Variants in TRPC7 observed in about 807,000 individuals in gnomAD.
TRPC7 encodes short transient receptor potential channel 7.
TRPC7 carries 42 observed loss-of-function variants against 90.1 expected under a neutral mutation model. The observed-to-expected ratio is 0.47, with a 90% confidence interval of 0.36 to 0.60. The LOEUF (loss-of-function observed/expected upper bound fraction) is 0.60, where lower values mean the gene tolerates loss of function less well. Among genes scored for constraint, TRPC7 ranks in the 20% least tolerant of loss-of-function variants. TRPC7 has a pLI of 0.00. For synonymous variants in TRPC7, 451 were observed against 436.3 expected (o/e 1.03, Z -0.42); for missense variants, 955 against 1,112.3 (o/e 0.86, Z 2.01).
At chr5:136,291,774 G>GCT (rs1225068571) in intron 3 of TRPC7, among the ~76,000 whole-genome samples, 9 of 152,116 alleles carry the variant, frequency 5.9e-5, no homozygotes, top group African/African-American at 2.2e-4. Context: ...ATTGAACTCA[G>GCT]CTCTGCACCA....
At chr5:136,277,149 G>A (rs991023042) in intron 3 of TRPC7, among the ~76,000 whole-genome samples, 7 of 152,214 alleles carry the variant, frequency 4.6e-5, no homozygotes, top group Non-Finnish European at 8.8e-5. Context: ...GGTCAGCACC[G>A]CAGATTGGGC....
At chr5:136,248,581 C>T (rs1009666862) in intron 6 of TRPC7, among the ~76,000 whole-genome samples, 1 of 152,186 alleles carries the variant, frequency 6.6e-6, no homozygotes, top group Non-Finnish European at 1.5e-5. Context: ...GATATTGCTC[C>T]TTGATTAAGC....
chr5:136,231,302 G>A, intron 8 of TRPC7, 52 bp downstream of exon 8: 5 of 1,477,948 alleles, frequency 3.4e-6, no homozygotes, highest in Non-Finnish European at 3.7e-6. Context: ...GCTGAAAAAA[G>A]CAATGTAAAT....
intron 2 of TRPC7, among the ~76,000 whole-genome samples, chr5:136,345,317 A>C (rs575245019): frequency 1.1e-4 from 17 of 152,310 alleles, no homozygotes; most frequent in African/African-American, 3.6e-4. Context: ...GCACTTTGGG[A>C]GGCCGAGGCG....
At chr5:136,337,718 T>A (rs1404015528) in intron 2 of TRPC7, among the ~76,000 whole-genome samples, 1 of 151,402 alleles carries the variant, frequency 6.6e-6, no homozygotes, top group Admixed American at 6.6e-5. Flanking sequence ...ATTTCCAATG[T>A]GCTATGAGAA....
intron 3 of TRPC7, among the ~76,000 whole-genome samples, chr5:136,289,253 C>A (rs1347285287): frequency 2.0e-5 from 3 of 152,194 alleles, no homozygotes; most frequent in Non-Finnish European, 2.9e-5. Flanking sequence ...CGGGTGACTT[C>A]TGCATTTCCA....
chr5:136,277,460 T>C (rs1226144163), intron 3 of TRPC7, among the ~76,000 whole-genome samples: 1 of 152,248 alleles, frequency 6.6e-6, no homozygotes, highest in Non-Finnish European at 1.5e-5. Flanking sequence ...CTTTCTGCAC[T>C]TGTGGCAGCC....
At chr5:136,293,342 G>A (rs1005885711) in intron 3 of TRPC7, among the ~76,000 whole-genome samples, 4 of 152,190 alleles carry the variant, frequency 2.6e-5, no homozygotes, top group Admixed American at 6.5e-5. Flanking sequence ...AAAAGAGGAA[G>A]TCAAATTGTC....
rs187662132 is a variant in TRPC7, at chr5:136,230,869, C to T, written c.2040+485G>A. On this transcript the variant is annotated intron_variant, in intron 8 of 11. Transcript: ENST00000513104. ...CCCCACAACCTGGTTGCACTGGCCC[C>T]AGGGCATTGGAATTTGTTGATTGCC... Among the ~76,000 whole-genome samples, 5 of 152,310 alleles carry T rather than the reference C, an allele frequency of 3.3e-5. No individual in the cohort carries two copies. In the East Asian group the frequency reaches 9.6e-4, roughly 29 times the overall value.
intron 4 of TRPC7, among the ~76,000 whole-genome samples, chr5:136,268,602 C>T (rs571441305): frequency 6.6e-6 from 1 of 152,300 alleles, no homozygotes; most frequent in African/African-American, 2.4e-5. Flanking sequence ...TGAGTTTCCC[C>T]AGAAGACCTG....
chr5:136,338,684 A>G (rs920509854), intron 2 of TRPC7, among the ~76,000 whole-genome samples: 1 of 152,240 alleles, frequency 6.6e-6, no homozygotes, highest in Non-Finnish European at 1.5e-5. Flanking sequence ...AGTGAGATTT[A>G]TGGCTTGTTG....
In TRPC7 at chr5:136,213,168, C is replaced by T. The variant is rs1755147903; in HGVS notation, c.*267G>A. Among the ~76,000 whole-genome samples, 1 of 152,192 alleles carries T rather than the reference C, an allele frequency of 6.6e-6. No homozygotes were observed. The highest frequency in any genetic ancestry group is 6.5e-5 in the Admixed American group (1 of 15,280). ...AGGGATGGGTTTCACTGTGGCTGGA[C>T]CAAAGGTCTCACACTCGTCAGGGGG... On this transcript the variant is annotated 3_prime_UTR_variant, in exon 12 of 12. Coordinates refer to ENST00000513104, the MANE Select transcript of TRPC7 (RefSeq NM_020389.3).
In TRPC7 at chr5:136,359,443, T is replaced by G. The variant is rs149553356; in HGVS notation, c.3-2058A>C. On this transcript the variant is annotated intron_variant, in intron 1 of 11. Coordinates refer to ENST00000513104, the MANE Select transcript of TRPC7 (RefSeq NM_020389.3). ...AAGAGCGTCTGAACCACCATCCACT[T>G]TTTTAAAGTGCACTTTGATAAAAGA... is the stretch of plus-strand genomic sequence containing the variant. Among the ~76,000 whole-genome samples, 3 of 152,306 alleles carry G rather than the reference T, an allele frequency of 2.0e-5. No individual in the cohort carries two copies. The East Asian group carries it at 5.8e-4, about 29-fold the overall frequency.
chr5:136,243,061 T>C (rs561845655), intron 7 of TRPC7, among the ~76,000 whole-genome samples: 143 of 152,250 alleles, frequency 9.4e-4, no homozygotes, highest in African/African-American at 3.3e-3. Flanking sequence ...GGGCAGGCCT[T>C]GGTTGAGGGT....
chr5:136,230,863 T>A (rs1159549884), intron 8 of TRPC7, among the ~76,000 whole-genome samples: 1 of 152,196 alleles, frequency 6.6e-6, no homozygotes, highest in Non-Finnish European at 1.5e-5. Flanking sequence ...CTGGTTGCAC[T>A]GGCCCCAGGG....
intron 3 of TRPC7, among the ~76,000 whole-genome samples, chr5:136,279,481 T>C (rs1022781641): frequency 1.3e-5 from 2 of 152,122 alleles, no homozygotes; most frequent in East Asian, 1.9e-4. Flanking sequence ...TTTCCCCCAG[T>C]CACCAGAAGT....
At chr5:136,244,871 A>C (rs1756286052) in intron 7 of TRPC7, among the ~76,000 whole-genome samples, 1 of 152,196 alleles carries the variant, frequency 6.6e-6, no homozygotes, top group Non-Finnish European at 1.5e-5. Flanking sequence ...ACAGTGTGTA[A>C]GCTAGACCAC....
chr5:136,275,855 A>G (rs1012219163), intron 3 of TRPC7, among the ~76,000 whole-genome samples: 1 of 152,232 alleles, frequency 6.6e-6, no homozygotes, highest in African/African-American at 2.4e-5. Context: ...GCTATCTTCC[A>G]CTTTATGGAC....
At position 136,357,208 on chromosome 5, in the gene TRPC7, C is replaced by T. The variant is rs1760417269; in HGVS notation, c.180G>A (p.Arg60=). The T allele has an allele frequency of 6.2e-7, 1 of 1,613,816 alleles. No homozygotes were observed. Among genetic ancestry groups the T allele is most frequent in the Admixed American group, 1.7e-5 (1 of 60,006 alleles). The change falls in exon 2 of 12, where the codon CGG becomes CGA. Residue 60 remains arginine, a synonymous_variant. Coordinates refer to ENST00000513104, the MANE Select transcript of TRPC7 (RefSeq NM_020389.3). ...SAEYGNIPVV[R]KMLEESKTLN... ...GGGTCTTGGACTCCTCCAGCATTTT[C>T]CGGACCACCGGGATGTTGCCATACT...
Sources: gnomAD v4.1 joint callset for allele counts (sites outside exome capture counted in the v4.1 genomes callset) on GRCh38, gnomAD v4.1.1 for gene constraint, MANE v1.5 for transcripts, NCBI Gene and HGNC (gene_info 2026-07-23, HGNC 2026-07-21) for gene names.